The following PKP4 variants were observed in gnomAD, a reference collection of about 807,000 sequenced individuals.
PKP4 encodes plakophilin-4.
Under a neutral mutation model 145.1 loss-of-function variants are expected in PKP4, and 90 were observed. That is an observed-to-expected ratio of 0.62 (90% CI 0.52 to 0.74). The LOEUF (loss-of-function observed/expected upper bound fraction) is 0.74, where lower values mean the gene tolerates loss of function less well. PKP4 is among the 30% of genes least tolerant of loss of function. PKP4 has a pLI of 0.00. For missense variants in PKP4, 1,340 were observed against 1,482.7 expected (o/e 0.90, Z 1.58); for synonymous variants, 563 against 577.2 (o/e 0.98, Z 0.35).
intron 3 of PKP4, among the ~76,000 whole-genome samples, chr2:158,593,687 G>A (rs970946340): frequency 5.9e-5 from 9 of 152,114 alleles, no homozygotes; most frequent in Non-Finnish European, 4.4e-5. Context: ...AGCAACTTTC[G>A]CCTTCAGGAG....
chr2:158,625,002 G>A lies in PKP4; in HGVS notation c.728G>A (p.Ser243Asn). ...SRGSLRTSLG[S>N]GFGSPSVTDP... ...GGGTCTCTGAGAACTTCTCTGGGTA[G>A]TGGATTTGGCTCTCCGTCAGTGACC... The change falls in exon 7 of 22, where the codon AGT becomes AAT. Residue 243 changes from serine (S) to asparagine (N), a missense_variant. Physicochemically the swap from Ser to Asn is conservative, Grantham distance 46 (BLOSUM62 1). Transcript: ENST00000389759. 6.2e-7 allele frequency: 1 copy of A among 1,614,166 alleles called. No homozygotes were observed. The highest frequency in any genetic ancestry group is 1.3e-5 in the African/African-American group (1 of 75,048).
chr2:158,457,567 C>G (rs1366793471), intron 1 of PKP4: 2 of 152,596 alleles, frequency 1.3e-5, no homozygotes, highest in Non-Finnish European at 2.9e-5. Flanking sequence ...GAGCGCCGCG[C>G]TGAGCCCTGC....
chr2:158,666,703 G>A (rs1274226906), intron 16 of PKP4, 140 bp downstream of exon 16: 1 of 638,302 alleles, frequency 1.6e-6, no homozygotes, highest in African/African-American at 1.9e-5. Context: ...GCATATTTGA[G>A]TACTCCTGTT....
chr2:158,589,690 A>G (rs1382681276), intron 3 of PKP4, among the ~76,000 whole-genome samples: 1 of 152,132 alleles, frequency 6.6e-6, no homozygotes, highest in Non-Finnish European at 1.5e-5. Flanking sequence ...TTAGGGGGAA[A>G]TTTTTTGTAA....
intron 2 of PKP4, among the ~76,000 whole-genome samples, chr2:158,545,347 GAGAA>G (rs2044918213): frequency 6.6e-6 from 1 of 152,046 alleles, no homozygotes; most frequent in Non-Finnish European, 1.5e-5. Context: ...AAATAAGGAC[GAGAA>G]AGAAAGGGAG....
At chr2:158,544,923 G>C (rs1044263694) in intron 2 of PKP4, among the ~76,000 whole-genome samples, 5 of 152,096 alleles carry the variant, frequency 3.3e-5, no homozygotes, top group Admixed American at 6.6e-5. Flanking sequence ...GTCCCACCTA[G>C]AGCTATGTAT....
At chr2:158,531,655 A>G (rs1270709680) in intron 1 of PKP4, among the ~76,000 whole-genome samples, 1 of 152,214 alleles carries the variant, frequency 6.6e-6, no homozygotes, top group Non-Finnish European at 1.5e-5. Context: ...TGTATAAAGA[A>G]CTAGCCATTT....
chr2:158,632,193 GT>G (rs2053427223), intron 8 of PKP4, among the ~76,000 whole-genome samples: 1 of 152,170 alleles, frequency 6.6e-6, no homozygotes, highest in African/African-American at 2.4e-5. Context: ...GAATAAGTTT[GT>G]AAAACTGTAA....
In PKP4 at chr2:158,681,159, T is replaced by C. The variant is rs906590341; in HGVS notation, c.*482T>C. On this transcript the variant is annotated 3_prime_UTR_variant, in exon 22 of 22. Coordinates refer to ENST00000389759, the MANE Select transcript of PKP4 (RefSeq NM_003628.6). ...ATATGGAAATGCCACATTGGTTAAG[T>C]GCCATCATTTGTAATGCAATGTGTC... The C allele has an allele frequency of 6.5e-6, 1 of 153,964 alleles. No individual in the cohort carries two copies. Among genetic ancestry groups the C allele is most frequent in the African/African-American group, 2.4e-5 (1 of 41,460 alleles). 9.5% of individuals were successfully genotyped at this position (153,964 alleles called of 1,614,324 possible). A position where few individuals can be genotyped will look rare whatever the true frequency, so the allele number is the denominator to read the frequency against.
intron 2 of PKP4, among the ~76,000 whole-genome samples, chr2:158,541,552 T>C (rs796477109): frequency 1.3e-4 from 20 of 152,176 alleles, no homozygotes; most frequent in African/African-American, 4.8e-4. Flanking sequence ...TAACACATTA[T>C]TGAAACTTGA....
Position 158,642,469 on chromosome 2 carries a change from A to G in PKP4, c.1696-17A>G. ...TGCATGTTACTTAGGCCTGGTACCT[A>G]ATATTTTTCATTCTAGGTGTGTAGG... is the stretch of plus-strand genomic sequence containing the variant. On this transcript the variant is annotated splice_polypyrimidine_tract_variant and intron_variant, in intron 10 of 21. Transcript: ENST00000389759. 6.4e-7 allele frequency: 1 copy of G among 1,570,700 alleles called. No individual in the cohort carries two copies. The highest frequency in any genetic ancestry group is 1.1e-5 in the South Asian group (1 of 87,286).
chr2:158,622,516 AG>A (rs1242503673), intron 6 of PKP4, among the ~76,000 whole-genome samples: 3 of 152,126 alleles, frequency 2.0e-5, no homozygotes, highest in Non-Finnish European at 4.4e-5. Flanking sequence ...TAATCAAATA[AG>A]TTAGGAGGAC....
intron 3 of PKP4, among the ~76,000 whole-genome samples, chr2:158,587,020 C>T (rs1320105262): frequency 6.6e-6 from 1 of 151,968 alleles, no homozygotes; most frequent in Non-Finnish European, 1.5e-5. Flanking sequence ...TTTTTTGAAC[C>T]TAGAATGTTT....
At chr2:158,533,356 T>C in intron 2 of PKP4, 40 bp downstream of exon 2, 1 of 1,605,766 alleles carries the variant, frequency 6.2e-7, no homozygotes, top group African/African-American at 1.3e-5. Flanking sequence ...ATTATTTCTT[T>C]AATGCCTTTA....
At chr2:158,669,964 G>A (rs559749166) in intron 17 of PKP4, 49 bp downstream of exon 17, 12 of 1,435,542 alleles carry the variant, frequency 8.4e-6, no homozygotes, top group South Asian at 2.7e-5. Flanking sequence ...TCCTGAGATT[G>A]TCCTGTGATG....
At chr2:158,517,062 A>G (rs1162192002) in intron 1 of PKP4, among the ~76,000 whole-genome samples, 1 of 152,188 alleles carries the variant, frequency 6.6e-6, no homozygotes, top group Non-Finnish European at 1.5e-5. Context: ...TCACATATAA[A>G]TTGCCATATT....
At chr2:158,646,393 T>G (rs1284877055) in intron 11 of PKP4, among the ~76,000 whole-genome samples, 4 of 152,228 alleles carry the variant, frequency 2.6e-5, no homozygotes, top group Non-Finnish European at 4.4e-5. Flanking sequence ...AGTTCCCAGT[T>G]CAAAAAGCCA....
intron 4 of PKP4, 72 bp from the exon 5 acceptor site, chr2:158,620,918 C>A: frequency 1.5e-6 from 2 of 1,346,756 alleles, no homozygotes; most frequent in Non-Finnish European, 2.1e-6. Flanking sequence ...TGTTGACAAA[C>A]ATCTGAACCT....
intron 11 of PKP4, among the ~76,000 whole-genome samples, chr2:158,652,150 C>G (rs992663810): frequency 6.6e-6 from 1 of 152,218 alleles, no homozygotes; most frequent in African/African-American, 2.4e-5. Flanking sequence ...ATTTCAACTT[C>G]TAAGAAATAT....
Sources: allele counts gnomAD v4.1 joint callset (sites outside exome capture counted in the v4.1 genomes callset), GRCh38; gene constraint gnomAD v4.1.1; transcripts MANE v1.5; gene names NCBI Gene and HGNC (gene_info 2026-07-23, HGNC 2026-07-21).